The following RAB11FIP4 variants were observed in gnomAD, a reference collection of about 807,000 sequenced individuals.
RAB11FIP4 encodes the protein rab11 family-interacting protein 4.
RAB11FIP4 carries 23 observed loss-of-function variants against 74.3 expected under a neutral mutation model. The observed-to-expected ratio is 0.31, with a 90% CI of 0.22 to 0.44. The LOEUF is 0.44. Among genes scored for constraint, RAB11FIP4 ranks in the 20% least tolerant of loss-of-function variants. The probability of loss-of-function intolerance (pLI) is 1.00; values close to 1 mark genes in which losing one functional copy is unlikely to be tolerated. For missense variants in RAB11FIP4, 630 were observed against 863.9 expected (o/e 0.73, Z 3.39); for synonymous variants, 360 against 359.9 (o/e 1.00, Z 0.00).
intron 3 of RAB11FIP4, among the ~76,000 whole-genome samples, chr17:31,455,493 C>A (rs1434264592): frequency 1.3e-5 from 2 of 152,198 alleles, no homozygotes; most frequent in Admixed American, 6.5e-5. Context: ...TCAAAATAAT[C>A]CTTATGCCAA....
intron 1 of RAB11FIP4, among the ~76,000 whole-genome samples, chr17:31,407,239 G>C (rs879504154): frequency 2.0e-5 from 3 of 151,452 alleles, no homozygotes; most frequent in Non-Finnish European, 2.9e-5. Context: ...GTAGAAATGG[G>C]GGTCTCACTA....
At chr17:31,494,514 G>A (rs1597953958) in intron 3 of RAB11FIP4, among the ~76,000 whole-genome samples, 3 of 152,142 alleles carry the variant, frequency 2.0e-5, no homozygotes, top group African/African-American at 4.8e-5. Flanking sequence ...GCCGGGGAGT[G>A]TCATGGCCCA....
At chr17:31,439,720 C>A (rs987745630) in intron 3 of RAB11FIP4, among the ~76,000 whole-genome samples, 2 of 152,264 alleles carry the variant, frequency 1.3e-5, no homozygotes, top group Non-Finnish European at 2.9e-5. Context: ...AAGCGATCCA[C>A]CTGCCTCGGC....
Position 31,538,110 on chromosome 17 carries a change from C to CA in RAB11FIP4, c.*6380dup, listed in dbSNP as rs762531257. On this transcript the variant is annotated 3_prime_UTR_variant, in exon 15 of 15. Transcript: ENST00000621161. Reference sequence around the variant, plus strand: ...GTCCAGGGTCTGAGCTCTTTGCCTCCAACCTGCTTCTGCCCCAAAAGGAAC... The same window carrying CA: ...GTCCAGGGTCTGAGCTCTTTGCCTCCAAACCTGCTTCTGCCCCAAAAGGAAC... 2 of 152,566 alleles carry CA rather than the reference C, an allele frequency of 1.3e-5. No individual in the cohort carries two copies. Among genetic ancestry groups the CA allele is most frequent in the Non-Finnish European group, 2.9e-5 (2 of 68,322 alleles). The allele number at this position is 152,566 out of a possible 1,614,324, so 9.5% of individuals were successfully genotyped here. A position where few individuals can be genotyped will look rare whatever the true frequency, so the allele number is the denominator to read the frequency against.
At chr17:31,462,547 C>T (rs1223968685) in intron 3 of RAB11FIP4, among the ~76,000 whole-genome samples, 1 of 152,194 alleles carries the variant, frequency 6.6e-6, no homozygotes, top group African/African-American at 2.4e-5. Context: ...GCAAAGCCTC[C>T]ACCAGCACTC....
chr17:31,510,335 C>T (rs544196156), intron 3 of RAB11FIP4, among the ~76,000 whole-genome samples: 1 of 152,246 alleles, frequency 6.6e-6, no homozygotes, highest in African/African-American at 2.4e-5. Flanking sequence ...CTCCCCTACA[C>T]TAGGCTTAGT....
At chr17:31,472,299 C>A (rs950034592) in intron 3 of RAB11FIP4, among the ~76,000 whole-genome samples, 2 of 152,222 alleles carry the variant, frequency 1.3e-5, no homozygotes, top group Non-Finnish European at 2.9e-5. Flanking sequence ...GTGCTCCCCC[C>A]ATACCCAGCG....
At chr17:31,395,350 C>A (rs1463847917) in intron 1 of RAB11FIP4, among the ~76,000 whole-genome samples, 4 of 152,164 alleles carry the variant, frequency 2.6e-5, no homozygotes, top group Non-Finnish European at 5.9e-5. Flanking sequence ...ACCGTGTAAG[C>A]ATGAGATGTG....
chr17:31,481,249 C>G (rs1226076294), intron 3 of RAB11FIP4, among the ~76,000 whole-genome samples: 1 of 152,058 alleles, frequency 6.6e-6, no homozygotes, highest in East Asian at 1.9e-4. Flanking sequence ...ACTGCCAACA[C>G]CTGGCTTCCA....
intron 1 of RAB11FIP4, among the ~76,000 whole-genome samples, chr17:31,407,242 T>C (rs527670213): frequency 1.3e-5 from 2 of 151,648 alleles, no homozygotes; most frequent in South Asian, 4.2e-4. Flanking sequence ...GAAATGGGGG[T>C]CTCACTATGT....
chr17:31,493,180 G>C (rs2072044379), intron 3 of RAB11FIP4, among the ~76,000 whole-genome samples: 1 of 152,044 alleles, frequency 6.6e-6, no homozygotes, highest in East Asian at 1.9e-4. Context: ...ATTTTTAATT[G>C]ATCTAACCTG....
chr17:31,518,919 G>A (rs534714268), intron 4 of RAB11FIP4, among the ~76,000 whole-genome samples: 8 of 149,996 alleles, frequency 5.3e-5, no homozygotes, highest in South Asian at 4.3e-4. Flanking sequence ...TGCAGCCTCC[G>A]CCTCCCGGGT....
intron 3 of RAB11FIP4, among the ~76,000 whole-genome samples, chr17:31,450,800 T>C (rs112921094): frequency 0.014 from 2,111 of 148,956 alleles, 44 homozygotes; most frequent in African/African-American, 0.051. Context: ...GTCAAACCTG[T>C]GGCGCACCCT....
intron 1 of RAB11FIP4, among the ~76,000 whole-genome samples, chr17:31,403,829 G>C (rs1267589291): frequency 6.6e-6 from 1 of 152,150 alleles, no homozygotes; most frequent in African/African-American, 2.4e-5. Flanking sequence ...CCTGATCTGA[G>C]TTCCAGAAAT....
At chr17:31,486,169 G>C (rs1254359166) in intron 3 of RAB11FIP4, among the ~76,000 whole-genome samples, 1 of 152,108 alleles carries the variant, frequency 6.6e-6, no homozygotes, top group Non-Finnish European at 1.5e-5. Flanking sequence ...AGGAGGCGGA[G>C]GTTGCAGTGA....
intron 3 of RAB11FIP4, among the ~76,000 whole-genome samples, chr17:31,447,080 C>A (rs561208637): frequency 2.5e-4 from 38 of 152,096 alleles, no homozygotes; most frequent in Non-Finnish European, 4.7e-4. Context: ...GTCAGGAGAT[C>A]GAGACCATCC....
chr17:31,429,331 C>T (rs80011697), intron 1 of RAB11FIP4, among the ~76,000 whole-genome samples: 274 of 152,324 alleles, frequency 1.8e-3, no homozygotes, highest in African/African-American at 6.4e-3. Flanking sequence ...TCGGGAGATA[C>T]TCACACCTGC....
At chr17:31,452,409 G>A (rs1230660649) in intron 3 of RAB11FIP4, among the ~76,000 whole-genome samples, 1 of 152,166 alleles carries the variant, frequency 6.6e-6, no homozygotes, top group African/African-American at 2.4e-5. Flanking sequence ...GTGCTCTGGG[G>A]GATTAGAAAG....
intron 6 of RAB11FIP4, 111 bp from the exon 7 acceptor site, chr17:31,522,249 T>C: frequency 7.5e-7 from 1 of 1,328,708 alleles, no homozygotes; most frequent in East Asian, 2.3e-5. Context: ...TGAATTCCTT[T>C]CAGTGGGAGG....
Sources: allele counts gnomAD v4.1 joint callset (sites outside exome capture counted in the v4.1 genomes callset), GRCh38; gene constraint gnomAD v4.1.1; transcripts MANE v1.5; gene names NCBI Gene and HGNC (gene_info 2026-07-23, HGNC 2026-07-21).